The following URGCP variants were observed in gnomAD, a reference collection of about 807,000 sequenced individuals.
URGCP encodes the protein up-regulator of cell proliferation.
URGCP carries 13 observed loss-of-function variants against 24.6 expected under a neutral mutation model. The ratio of observed to expected loss-of-function variants is 0.53; its 90% CI spans 0.34 to 0.84. The LOEUF is 0.84. Among genes scored for constraint, URGCP ranks in the 40% least tolerant of loss-of-function variants. URGCP has a pLI of 0.01. For synonymous variants in URGCP, 444 were observed against 487.2 expected (o/e 0.91, Z 1.17); for missense variants, 899 against 1,194.3 (o/e 0.75, Z 3.64).
chr7:43,902,052 A>G (rs2095891722), intron 1 of URGCP, among the ~76,000 whole-genome samples: 2 of 150,184 alleles, frequency 1.3e-5, no homozygotes, highest in Admixed American at 6.6e-5. Context: ...TGGGGAGGAG[A>G]GAGGAGCAGG....
Position 43,878,674 on chromosome 7 carries a change from G to C in URGCP, c.789C>G (p.Phe263Leu). The C allele has an allele frequency of 6.2e-7, 1 of 1,613,620 alleles. No homozygotes were observed. The highest frequency in any genetic ancestry group is 1.3e-5 in the African/African-American group (1 of 75,080). Residue 263 changes from phenylalanine to leucine, a missense_variant, in exon 6 of 6, where the codon TTC becomes TTG. Physicochemically the swap from Phe to Leu is conservative, Grantham distance 22. Transcript: ENST00000453200. This position sits in a 1 kb window ranked among gnomAD's most constrained non-coding sequence, Gnocchi z 5.6. ...TACTGACGTCCATGCGCACGAAGGCGAAGGCGGGCGCCCTGGACAAGACCA... is the reference window on the plus strand; with the variant it reads ...TACTGACGTCCATGCGCACGAAGGCCAAGGCGGGCGCCCTGGACAAGACCA... The part of the protein sequence containing the change: ...DSVVLSRAPA[F>L]AFVRMDVSSN...
At chr7:43,917,413 C>T (rs1004565876) in intron 1 of URGCP, among the ~76,000 whole-genome samples, 1 of 152,166 alleles carries the variant, frequency 6.6e-6, no homozygotes, top group African/African-American at 2.4e-5. Context: ...GAAGCAAGCC[C>T]AGCAAACTGG....
intron 1 of URGCP, among the ~76,000 whole-genome samples, chr7:43,896,645 C>T (rs892081738): frequency 2.6e-5 from 4 of 151,994 alleles, no homozygotes; most frequent in Admixed American, 2.6e-4. Context: ...TAAAACACAG[C>T]CTTAATTCTC....
At chr7:43,900,806 T>G (rs902805963) in intron 1 of URGCP, among the ~76,000 whole-genome samples, 7 of 152,238 alleles carry the variant, frequency 4.6e-5, no homozygotes, top group African/African-American at 1.7e-4. Context: ...AGGCATTTTT[T>G]GTTAAGCCAT....
chr7:43,878,349 A>G lies in URGCP; in HGVS notation c.1114T>C (p.Leu372=), dbSNP rs1371089754. 6.2e-7 allele frequency: 1 copy of G among 1,614,202 alleles called. No homozygotes were observed. The highest frequency in any genetic ancestry group is 1.3e-5 in the African/African-American group (1 of 75,048). ...GTTGACTCCTTCATGGAGTACAGCA[A>G]TTTGTATTCCTTCTTACTGATATTG... ...TDNISKKEYK[L]LYSMKESTTK... The change falls in exon 6 of 6, where the codon TTG becomes CTG. Residue 372 remains leucine, a synonymous_variant. Transcript: ENST00000453200. The surrounding 1 kb of genome is among the most constrained non-coding windows in gnomAD (Gnocchi z 5.6).
intron 1 of URGCP, among the ~76,000 whole-genome samples, chr7:43,921,917 G>T (rs1442540799): frequency 2.0e-5 from 3 of 151,900 alleles, no homozygotes; most frequent in Non-Finnish European, 4.4e-5. Flanking sequence ...TTTGAGATGG[G>T]AGTCTCGCTC....
intron 1 of URGCP, among the ~76,000 whole-genome samples, chr7:43,898,947 C>A (rs1259444693): frequency 6.7e-6 from 1 of 148,896 alleles, no homozygotes; most frequent in Non-Finnish European, 1.5e-5. Flanking sequence ...ACTAGCCTGG[C>A]CAACATGGTG....
At chr7:43,896,782 C>G (rs973184701) in intron 1 of URGCP, among the ~76,000 whole-genome samples, 1 of 152,196 alleles carries the variant, frequency 6.6e-6, no homozygotes, top group Non-Finnish European at 1.5e-5. Flanking sequence ...ATCCCTGACA[C>G]ACATGCCTCA....
intron 1 of URGCP, among the ~76,000 whole-genome samples, chr7:43,920,859 T>C (rs1238741832): frequency 1.3e-5 from 2 of 152,196 alleles, no homozygotes; most frequent in African/African-American, 4.8e-5. Flanking sequence ...GTCTTCCAGC[T>C]ATCCCCATGT....
At chr7:43,926,525 G>C, upstream of URGCP, 2 of 1,534,338 alleles carry the variant, frequency 1.3e-6, no homozygotes, top group South Asian at 2.4e-5. Context: ...CCCCGGCAGC[G>C]GGGTAGGATG....
In URGCP at chr7:43,906,548, G is replaced by C; in HGVS notation, c.14+14C>G. 1 of 1,235,186 alleles carries C rather than the reference G, an allele frequency of 8.1e-7. No homozygotes were observed. The highest frequency in any genetic ancestry group is 1.6e-5 in the African/African-American group (1 of 63,376). 76.5% of individuals were successfully genotyped at this position (1,235,186 alleles called of 1,614,324 possible). ...GCAGCCGCGGGGGCGCAGGGCCTGCGAGGCGGCACTCACCCGGGCGACGCC... is the reference window on the plus strand; with the variant it reads ...GCAGCCGCGGGGGCGCAGGGCCTGCCAGGCGGCACTCACCCGGGCGACGCC... On this transcript the variant is annotated intron_variant, in intron 1 of 5. Transcript: ENST00000453200.
chr7:43,906,722 GC>G (rs1460382694), upstream of URGCP: 1 of 515,980 alleles, frequency 1.9e-6, no homozygotes, highest in African/African-American at 2.3e-5. Context: ...GGTAAGGTGG[GC>G]CCGGGGTCCT....
intron 5 of URGCP, 143 bp from the exon 6 acceptor site, chr7:43,879,403 G>T: frequency 9.9e-7 from 1 of 1,005,592 alleles, no homozygotes; most frequent in Non-Finnish European, 1.4e-6. Flanking sequence ...GGAGGCTCAG[G>T]GTGTGCTCAA....
chr7:43,896,785 A>G (rs757623070), intron 1 of URGCP, among the ~76,000 whole-genome samples: 6 of 152,210 alleles, frequency 3.9e-5, no homozygotes, highest in Non-Finnish European at 7.3e-5. Flanking sequence ...CCTGACACAC[A>G]TGCCTCAGAT....
chr7:43,883,351 TATATATATATA>T (rs2095857257), intron 3 of URGCP, among the ~76,000 whole-genome samples: 1 of 99,732 alleles, frequency 1.0e-5, no homozygotes, highest in African/African-American at 5.8e-5. Flanking sequence ...TATATATATA[TATATATATATA>T]TTTTTTTTTT....
intron 1 of URGCP, among the ~76,000 whole-genome samples, chr7:43,914,794 T>C (rs1399195195): frequency 6.6e-6 from 1 of 152,212 alleles, no homozygotes; most frequent in Non-Finnish European, 1.5e-5. Flanking sequence ...CCAGAATTAT[T>C]TTTCGGTTTC....
intron 3 of URGCP, among the ~76,000 whole-genome samples, chr7:43,887,054 T>C (rs1562576996): frequency 6.6e-6 from 1 of 152,188 alleles, no homozygotes; most frequent in Non-Finnish European, 1.5e-5. Flanking sequence ...AGATAAACTA[T>C]ACAGTCACCT....
chr7:43,890,380 A>C (rs1168059880), intron 1 of URGCP, among the ~76,000 whole-genome samples: 6 of 148,896 alleles, frequency 4.0e-5, no homozygotes, highest in Admixed American at 1.3e-4. Context: ...ACGCCCGGCT[A>C]ATTTTTTTGT....
chr7:43,906,803 C>T (rs921131786), upstream of URGCP: 1 of 299,938 alleles, frequency 3.3e-6, no homozygotes, highest in African/African-American at 2.2e-5. Context: ...GCAGCCCGCC[C>T]AACGCCCACC....
Sources: gnomAD v4.1 joint callset for allele counts (sites outside exome capture counted in the v4.1 genomes callset) on GRCh38, gnomAD v4.1.1 for gene constraint, Gnocchi (gnomAD v3.1) non-coding constraint, MANE v1.5 for transcripts, NCBI Gene and HGNC (gene_info 2026-07-23, HGNC 2026-07-21) for gene names.